LMBRD1: variants seen among roughly 807,000 people sequenced by gnomAD.
LMBRD1 encodes the protein LMBR1 domain containing 1.
A neutral mutation model predicts 74.8 loss-of-function variants in LMBRD1; 64 were observed. The ratio of observed to expected loss-of-function variants is 0.86; its 90% CI spans 0.70 to 1.05. LMBRD1 has a LOEUF of 1.05. Among genes scored for constraint, LMBRD1 ranks in the 50% least tolerant of loss-of-function variants. LMBRD1 has a pLI of 0.00. For synonymous variants in LMBRD1, 204 were observed against 216.3 expected (o/e 0.94, Z 0.50); for missense variants, 652 against 645.9 (o/e 1.01, Z -0.10).
intron 7 of LMBRD1, among the ~76,000 whole-genome samples, chr6:69,734,059 T>C (rs1023815497): frequency 1.6e-4 from 24 of 152,274 alleles, no homozygotes; most frequent in African/African-American, 5.1e-4. Context: ...AGGAGGCCCA[T>C]GGACTTGAGA....
At chr6:69,691,292 T>C (rs980875237) in intron 14 of LMBRD1, among the ~76,000 whole-genome samples, 2 of 151,982 alleles carry the variant, frequency 1.3e-5, no homozygotes, top group African/African-American at 4.8e-5. Context: ...AGTCTTATAC[T>C]ATCTGTGCAA....
At chr6:69,717,006 C>A (rs1019842244) in intron 8 of LMBRD1, among the ~76,000 whole-genome samples, 1 of 151,614 alleles carries the variant, frequency 6.6e-6, no homozygotes, top group Non-Finnish European at 1.5e-5. Flanking sequence ...TATCTAATCC[C>A]CAAATTCTGA....
intron 7 of LMBRD1, among the ~76,000 whole-genome samples, chr6:69,725,301 A>C (rs2149860614): frequency 6.6e-6 from 1 of 151,744 alleles, no homozygotes; most frequent in South Asian, 2.1e-4. Context: ...CAACCTACAG[A>C]TTCAATGCAA....
rs536489680 is a variant in LMBRD1, at chr6:69,728,621, T to C, written c.636+9321A>G. ...TTTGCTCTAGTCAGTATTAACAACA[T>C]GGCCCTTATTTACAGTCTACTGTCA... On this transcript the variant is annotated intron_variant, in intron 7 of 15. Transcript: ENST00000649934. Among the ~76,000 whole-genome samples, 13 of 152,332 alleles carry C rather than the reference T, an allele frequency of 8.5e-5. No individual in the cohort carries two copies. In the South Asian group the frequency reaches 2.3e-3, roughly 27 times the overall value.
intron 9 of LMBRD1, chr6:69,706,119 G>C (rs564310331): frequency 3.4e-4 from 201 of 586,842 alleles, no homozygotes; most frequent in Admixed American, 8.3e-4. Context: ...GATAGTTCCA[G>C]GGCCTCCGGG....
At chr6:69,747,302 A>G (rs1263747236) in intron 5 of LMBRD1, among the ~76,000 whole-genome samples, 1 of 152,174 alleles carries the variant, frequency 6.6e-6, no homozygotes, top group Non-Finnish European at 1.5e-5. Flanking sequence ...ATGTGAAGAC[A>G]GAGCAAGAAG....
At chr6:69,734,915 T>A (rs965784508) in intron 7 of LMBRD1, among the ~76,000 whole-genome samples, 6 of 152,300 alleles carry the variant, frequency 3.9e-5, no homozygotes, top group African/African-American at 1.4e-4. Flanking sequence ...ATGGTTGTGG[T>A]CATAGTGGGT....
At chr6:69,785,608 C>T (rs1477373241) in intron 2 of LMBRD1, among the ~76,000 whole-genome samples, 3 of 152,146 alleles carry the variant, frequency 2.0e-5, no homozygotes, top group Non-Finnish European at 4.4e-5. Context: ...CACCTGTCCC[C>T]CTATATCTAA....
At chr6:69,711,462 T>C (rs905664905) in intron 9 of LMBRD1, among the ~76,000 whole-genome samples, 8 of 152,230 alleles carry the variant, frequency 5.3e-5, no homozygotes, top group East Asian at 3.9e-4. Flanking sequence ...AAATGGAACA[T>C]AGCATATATA....
At chr6:69,754,808 T>C (rs1006088251) in intron 3 of LMBRD1, among the ~76,000 whole-genome samples, 1 of 152,150 alleles carries the variant, frequency 6.6e-6, no homozygotes, top group African/African-American at 2.4e-5. Context: ...AAAGAAGACA[T>C]TTATGCAGCC....
At chr6:69,691,779 G>C (rs906463950) in intron 14 of LMBRD1, among the ~76,000 whole-genome samples, 1 of 151,566 alleles carries the variant, frequency 6.6e-6, no homozygotes, top group Non-Finnish European at 1.5e-5. Context: ...AGGAGGCTGA[G>C]GCAGGAGAAT....
intron 7 of LMBRD1, among the ~76,000 whole-genome samples, chr6:69,727,150 T>A (rs1766754546): frequency 6.6e-6 from 1 of 152,096 alleles, no homozygotes. Context: ...AGAGTGAAAC[T>A]CTGTCTCAAA....
intron 6 of LMBRD1, among the ~76,000 whole-genome samples, chr6:69,740,072 C>A (rs2149870388): frequency 6.6e-6 from 1 of 152,148 alleles, no homozygotes; most frequent in South Asian, 2.1e-4. Flanking sequence ...TGCCACTGCA[C>A]TCTAGCCGGG....
chr6:69,777,831 C>T (rs1178018588), intron 3 of LMBRD1, among the ~76,000 whole-genome samples: 1 of 152,196 alleles, frequency 6.6e-6, no homozygotes, highest in Non-Finnish European at 1.5e-5. Context: ...TAGCCTCTGA[C>T]AGAAGAGATG....
Position 69,737,982 on chromosome 6 carries a change from G to A in LMBRD1, c.596C>T (p.Ser199Phe), listed in dbSNP as rs1562105981. 3.1e-6 allele frequency: 5 copies of A among 1,610,768 alleles called. No individual in the cohort carries two copies. Among genetic ancestry groups the A allele is most frequent in the Non-Finnish European group, 4.2e-6 (5 of 1,178,078 alleles). The change falls in exon 7 of 16, where the codon TCT becomes TTT. Residue 199 changes from serine to phenylalanine, a missense_variant. Physicochemically the swap from Ser to Phe is radical, Grantham distance 155. This residue lies in a region of LMBRD1 where 598 missense variants were observed against 581.8 expected (regional missense o/e 1.03). Coordinates refer to ENST00000649934, the MANE Select transcript of LMBRD1 (RefSeq NM_018368.4). Reference protein sequence around the residue: ...GLAALSFSISSLTLIGMLAAI... With the variant: ...GLAALSFSISFLTLIGMLAAI... ...TGCCAACATTCCAATCAAGGTCAGA[G>A]AACTGATAGAAAATGACAATGCAGC...
At chr6:69,724,581 T>C (rs903184085) in intron 7 of LMBRD1, among the ~76,000 whole-genome samples, 4 of 149,248 alleles carry the variant, frequency 2.7e-5, no homozygotes, top group African/African-American at 4.9e-5. Context: ...TAATCAATCG[T>C]TGTAATACAT....
At chr6:69,732,744 T>C (rs998951240) in intron 7 of LMBRD1, among the ~76,000 whole-genome samples, 11 of 152,192 alleles carry the variant, frequency 7.2e-5, no homozygotes, top group Non-Finnish European at 1.3e-4. Context: ...TAGAGGTATA[T>C]AGTAAACAAT....
chr6:69,776,358 T>C (rs1765702385), intron 3 of LMBRD1, among the ~76,000 whole-genome samples: 1 of 152,240 alleles, frequency 6.6e-6, no homozygotes, highest in Non-Finnish European at 1.5e-5. Flanking sequence ...TAAACCTTTT[T>C]GATCAGTTTC....
chr6:69,719,657 T>C (rs2149856886), intron 7 of LMBRD1, among the ~76,000 whole-genome samples: 1 of 152,262 alleles, frequency 6.6e-6, no homozygotes, highest in South Asian at 2.1e-4. Flanking sequence ...TACTACCCAA[T>C]TTCATATTCC....
Sources: allele counts gnomAD v4.1 joint callset (sites outside exome capture counted in the v4.1 genomes callset), GRCh38; gene constraint gnomAD v4.1.1; regional missense constraint gnomAD v4.1.1; transcripts MANE v1.5; gene names NCBI Gene and HGNC (gene_info 2026-07-23, HGNC 2026-07-21).